Variants in AP2B1 observed in about 807,000 individuals in gnomAD.
AP2B1 encodes the protein adaptor related protein complex 2 subunit beta 1.
Under a neutral mutation model 102.0 loss-of-function variants are expected in AP2B1, and 23 were observed. That is an observed-to-expected ratio of 0.23 (90% CI 0.16 to 0.32). The LOEUF (loss-of-function observed/expected upper bound fraction) is 0.32, where lower values mean the gene tolerates loss of function less well. Among genes scored for constraint, AP2B1 ranks in the 10% least tolerant of loss-of-function variants. The pLI, the probability that AP2B1 is intolerant of heterozygous loss-of-function variation, is 1.00. For missense variants in AP2B1, 541 were observed against 1,157.4 expected (o/e 0.47, Z 7.73); for synonymous variants, 381 against 421.2 (o/e 0.90, Z 1.17).
rs587728136 is a variant in AP2B1, at chr17:35,722,212, C to T, written c.2782-1413C>T. On this transcript the variant is annotated intron_variant, in intron 21 of 21. Transcript: ENST00000610402. ...TGTACTGAGATCACGCCACTGCACT[C>T]CAGCCTGGGTGACAGAGCAAGACTC... Among the ~76,000 whole-genome samples the T allele has an allele frequency of 5.3e-4, 80 of 152,242 alleles. 2 individuals carry two copies. In the Middle Eastern group the frequency reaches 0.01, roughly 19 times the overall value.
Position 35,637,251 on chromosome 17 carries a change from C to T in AP2B1, c.1271+795C>T, listed in dbSNP as rs573846669. 1.8e-4 allele frequency among the ~76,000 whole-genome samples: 27 copies of T among 152,266 alleles called. No individual in the cohort carries two copies. In the South Asian group the frequency reaches 4.8e-3, roughly 27 times the overall value. On this transcript the variant is annotated intron_variant, in intron 10 of 21. Transcript: ENST00000610402. ...GCCCAGGTGAGTGCAGTGGTGCGAT[C>T]GCAGCTCACTGCAACCTCCGCCTCC...
intron 18 of AP2B1, among the ~76,000 whole-genome samples, chr17:35,703,850 A>T (rs1038721540): frequency 6.6e-6 from 1 of 152,248 alleles, no homozygotes; most frequent in Non-Finnish European, 1.5e-5. Flanking sequence ...AGTTTTAGAC[A>T]TATTCTTTTT....
At chr17:35,590,839 GGTATGAC>G (rs775858666) in intron 1 of AP2B1, among the ~76,000 whole-genome samples, 4 of 152,102 alleles carry the variant, frequency 2.6e-5, no homozygotes, top group Non-Finnish European at 5.9e-5. Context: ...TACTGATAAA[GGTATGAC>G]TTAAGACTTA....
chr17:35,722,628 C>T (rs146141343), intron 21 of AP2B1, among the ~76,000 whole-genome samples: 259 of 152,140 alleles, frequency 1.7e-3, no homozygotes, highest in African/African-American at 6.0e-3. Context: ...GTTAAATTGT[C>T]CTTAGTCTCT....
intron 5 of AP2B1, among the ~76,000 whole-genome samples, chr17:35,613,864 T>G (rs2073937119): frequency 6.6e-6 from 1 of 152,264 alleles, no homozygotes; most frequent in Non-Finnish European, 1.5e-5. Flanking sequence ...ATTAGTTCAT[T>G]ATTTTGAAGG....
At chr17:35,719,134 C>G (rs1056596231) in intron 21 of AP2B1, among the ~76,000 whole-genome samples, 1 of 152,010 alleles carries the variant, frequency 6.6e-6, no homozygotes, top group Non-Finnish European at 1.5e-5. Flanking sequence ...CCAGTTTTCC[C>G]CATTAATAAT....
intron 17 of AP2B1, 85 bp from the exon 18 acceptor site, chr17:35,682,610 C>G (rs763367463): frequency 1.4e-6 from 2 of 1,422,086 alleles, no homozygotes; most frequent in South Asian, 2.4e-5. Context: ...TCCCAAAATG[C>G]TGGGATTACA....
intron 21 of AP2B1, among the ~76,000 whole-genome samples, chr17:35,722,759 C>A (rs72829925): frequency 0.14 from 20,567 of 152,064 alleles, 1,725 homozygotes; most frequent in South Asian, 0.25. Context: ...AAATATATAG[C>A]TATTAAATTT....
At chr17:35,693,575 TAGA>T (rs775439104) in intron 18 of AP2B1, among the ~76,000 whole-genome samples, 1 of 152,216 alleles carries the variant, frequency 6.6e-6, no homozygotes, top group Non-Finnish European at 1.5e-5. Flanking sequence ...AAAATCCATT[TAGA>T]AGGAGGGACC....
intron 10 of AP2B1, 133 bp from the exon 11 acceptor site, chr17:35,639,462 C>G: frequency 1.5e-6 from 1 of 656,650 alleles, no homozygotes; most frequent in South Asian, 2.5e-5. Flanking sequence ...CCTATTCATT[C>G]TCTTGACTAA....
intron 12 of AP2B1, among the ~76,000 whole-genome samples, chr17:35,647,892 T>TA (rs956953976): frequency 1.2e-3 from 4 of 3,372 alleles, no homozygotes; most frequent in African/African-American, 0.01. Context: ...TGGGGGTTTG[T>TA]TTTTTTTTTT....
chr17:35,644,802 G>A (rs145823365), intron 12 of AP2B1, among the ~76,000 whole-genome samples: 2,136 of 152,256 alleles, frequency 0.014, 54 homozygotes, highest in African/African-American at 0.045. Context: ...GGGAGGCCAA[G>A]GCGGGCGGAT....
intron 4 of AP2B1, 48 bp downstream of exon 4, chr17:35,605,888 T>A: frequency 6.3e-7 from 1 of 1,587,348 alleles, no homozygotes; most frequent in Non-Finnish European, 8.6e-7. Flanking sequence ...TGCAAATAAG[T>A]AACCTCTGTT....
At chr17:35,597,244 G>A (rs1225142124) in intron 2 of AP2B1, 1 of 355,724 alleles carries the variant, frequency 2.8e-6, no homozygotes, top group African/African-American at 2.1e-5. Flanking sequence ...GCTGGAGGAT[G>A]TAGATGGAAA....
rs777949068 is a variant in AP2B1 at position 35,626,855 on chromosome 17, C to T, written c.938+13C>T. On this transcript the variant is annotated intron_variant, in intron 7 of 21. Transcript: ENST00000610402. ...TTGTCCAGAAAAGGTTGGGAAATAG[C>T]GAAGTGTTGATTAAAGTGTTTGTAA... The T allele has an allele frequency of 2.1e-5, 33 of 1,607,676 alleles. No homozygotes were observed. The South Asian group carries it at 2.2e-4, about 11-fold the overall frequency.
chr17:35,663,772 T>C (rs1271571726), intron 14 of AP2B1, among the ~76,000 whole-genome samples: 1 of 152,248 alleles, frequency 6.6e-6, no homozygotes, highest in African/African-American at 2.4e-5. Flanking sequence ...CCTGGGCCTC[T>C]TGATGGTGTA....
intron 20 of AP2B1, among the ~76,000 whole-genome samples, chr17:35,710,918 G>A (rs587727354): frequency 6.6e-6 from 1 of 152,134 alleles, no homozygotes; most frequent in South Asian, 2.1e-4. Flanking sequence ...AGAAAAAAAA[G>A]CCTAGTTGGT....
At chr17:35,689,052 A>G (rs1270587137) in intron 18 of AP2B1, among the ~76,000 whole-genome samples, 1 of 152,202 alleles carries the variant, frequency 6.6e-6, no homozygotes, top group Non-Finnish European at 1.5e-5. Flanking sequence ...GCCCCTGTGT[A>G]CCCATCATCC....
intron 6 of AP2B1, among the ~76,000 whole-genome samples, chr17:35,625,594 C>T (rs1373048188): frequency 6.6e-6 from 1 of 151,736 alleles, no homozygotes; most frequent in Non-Finnish European, 1.5e-5. Flanking sequence ...AAAGTCATGG[C>T]CCTCTGGGAT....
Sources: gnomAD v4.1 joint callset for allele counts (sites outside exome capture counted in the v4.1 genomes callset) on GRCh38, gnomAD v4.1.1 for gene constraint, MANE v1.5 for transcripts, NCBI Gene and HGNC (gene_info 2026-07-23, HGNC 2026-07-21) for gene names.